The following CCDC57 variants were observed in gnomAD, a reference collection of about 807,000 sequenced individuals.
The protein encoded by CCDC57 is coiled-coil domain-containing protein 57.
CCDC57 carries 118 observed loss-of-function variants against 118.9 expected under a neutral mutation model. The observed-to-expected ratio is 0.99, with a 90% confidence interval of 0.86 to 1.16. The LOEUF (loss-of-function observed/expected upper bound fraction) is 1.16, where lower values mean the gene tolerates loss of function less well. Among genes scored for constraint, CCDC57 ranks in the 50% most tolerant of loss-of-function variants. The pLI is 0.00. For missense variants in CCDC57, 1,300 were observed against 1,320.7 expected (o/e 0.98, Z 0.24); for synonymous variants, 527 against 532.9 (o/e 0.99, Z 0.15).
At chr17:82,200,779 C>T (rs922565760) in intron 3 of CCDC57, among the ~76,000 whole-genome samples, 2 of 151,392 alleles carry the variant, frequency 1.3e-5, no homozygotes, top group Non-Finnish European at 2.9e-5. Context: ...GACAACACAG[C>T]TAAAAACTCT....
At chr17:82,186,635 C>T (rs1267475176) in intron 8 of CCDC57, among the ~76,000 whole-genome samples, 2 of 152,126 alleles carry the variant, frequency 1.3e-5, no homozygotes, top group Non-Finnish European at 2.9e-5. Context: ...CCCCCTTAAA[C>T]AGAAATACAA....
chr17:82,129,211 G>A lies in CCDC57; in HGVS notation c.2578-614C>T, dbSNP rs568818948. On this transcript the variant is annotated intron_variant, in intron 17 of 19. Transcript: ENST00000665763. ...TGGGATCACAGGTGTGAGCCACCAC[G>A]CCTGACCTGATCCTGCTTCTTGAAC... is the stretch of plus-strand genomic sequence containing the variant. Among the ~76,000 whole-genome samples the A allele has an allele frequency of 3.3e-5, 5 of 152,238 alleles. No homozygotes were observed. The East Asian group carries it at 9.7e-4, about 29-fold the overall frequency.
chr17:82,187,298 A>C (rs796288220), intron 8 of CCDC57, among the ~76,000 whole-genome samples: 8 of 149,942 alleles, frequency 5.3e-5, no homozygotes, highest in African/African-American at 1.7e-4. Flanking sequence ...AAGGAGGAAA[A>C]TGGTTACAAT....
At chr17:82,119,387 G>A (rs78587902) in intron 19 of CCDC57, among the ~76,000 whole-genome samples, 1,566 of 151,930 alleles carry the variant, frequency 0.01, 23 homozygotes, top group African/African-American at 0.036. Context: ...CTCCCTGTAC[G>A]TGGAGCAGAC....
At chr17:82,152,287 TCCA>T (rs924374268) in intron 15 of CCDC57, 17 of 158,520 alleles carry the variant, frequency 1.1e-4, no homozygotes, top group Non-Finnish European at 2.8e-5. Flanking sequence ...TTGGCCCTCC[TCCA>T]CTCCTTGGGG....
intron 15 of CCDC57, chr17:82,155,365 T>A (rs2042559192): frequency 6.6e-6 from 1 of 152,272 alleles, no homozygotes; most frequent in African/African-American, 2.4e-5. Context: ...TCCATTGCTA[T>A]CAGCCTGGAC....
rs113083963 is a variant in CCDC57, at chr17:82,212,417, A to T, written c.-211+368T>A. Reference sequence around the variant, plus strand: ...CCTCTCTTTTTTTTTTTTTTTTTTTAAACTCACAGACACTGTAAGGCTGCC... The same window carrying T: ...CCTCTCTTTTTTTTTTTTTTTTTTTTAACTCACAGACACTGTAAGGCTGCC... On this transcript the variant is annotated intron_variant, in intron 1 of 19. Transcript: ENST00000665763. The surrounding 1 kb of genome is among the most constrained non-coding windows in gnomAD (Gnocchi z 4.1). Among the ~76,000 whole-genome samples the T allele has an allele frequency of 5.5e-3, 316 of 57,642 alleles. 1 individual carries two copies. The highest frequency in any genetic ancestry group is 0.015 in the African/African-American group (235 of 15,286). 37.8% of individuals were successfully genotyped at this position (57,642 alleles called of 152,430 possible). A position where few individuals can be genotyped will look rare whatever the true frequency, so the allele number is the denominator to read the frequency against.
At chr17:82,137,517 T>G (rs1012098909) in intron 16 of CCDC57, among the ~76,000 whole-genome samples, 7 of 152,230 alleles carry the variant, frequency 4.6e-5, no homozygotes, top group African/African-American at 1.7e-4. Flanking sequence ...TCTATAACTG[T>G]TCTCTCCTAT....
At chr17:82,210,237 G>C (rs2050072971) in intron 1 of CCDC57, among the ~76,000 whole-genome samples, 2 of 151,462 alleles carry the variant, frequency 1.3e-5, no homozygotes, top group Admixed American at 6.6e-5. Flanking sequence ...CCTGGGAAGA[G>C]ATGGTTCTTT....
chr17:82,205,418 C>T (rs1037025395), intron 2 of CCDC57, among the ~76,000 whole-genome samples: 2 of 152,128 alleles, frequency 1.3e-5, no homozygotes, highest in African/African-American at 2.4e-5. Flanking sequence ...CAAATGTGCC[C>T]GCGACTCCTG....
chr17:82,126,018 C>T (rs2037379393), intron 19 of CCDC57, among the ~76,000 whole-genome samples: 1 of 152,174 alleles, frequency 6.6e-6, no homozygotes, highest in African/African-American at 2.4e-5. Flanking sequence ...CGGTGGCTCA[C>T]CCCTGTAATC....
chr17:82,108,753 G>A (rs2035040334), intron 19 of CCDC57: 1 of 152,254 alleles, frequency 6.6e-6, no homozygotes, highest in Non-Finnish European at 1.5e-5. Context: ...AGTTGGGACA[G>A]CTATAGTTTC....
At chr17:82,168,309 T>C (rs1027485905) in intron 13 of CCDC57, among the ~76,000 whole-genome samples, 3 of 152,194 alleles carry the variant, frequency 2.0e-5, no homozygotes, top group African/African-American at 4.8e-5. Context: ...AGTTTTTGTC[T>C]TTAGGCCGGG....
At chr17:82,119,751 A>AGGGAGGGAGAT (rs2036418951) in intron 19 of CCDC57, among the ~76,000 whole-genome samples, 2 of 151,918 alleles carry the variant, frequency 1.3e-5, no homozygotes, top group Admixed American at 1.3e-4. Context: ...TGGGGGAAGA[A>AGGGAGGGAGAT]GGGAGGGAGA....
intron 16 of CCDC57, among the ~76,000 whole-genome samples, chr17:82,149,934 C>G (rs1169834322): frequency 6.7e-6 from 1 of 150,110 alleles, no homozygotes; most frequent in Admixed American, 6.6e-5. Flanking sequence ...CACCCAGAAC[C>G]TGGCGCACAT....
At chr17:82,164,373 T>C (rs941297234) in intron 13 of CCDC57, among the ~76,000 whole-genome samples, 1 of 151,810 alleles carries the variant, frequency 6.6e-6, no homozygotes, top group African/African-American at 2.4e-5. Flanking sequence ...AGAGTGAGAC[T>C]CTGTCTCAAA....
At chr17:82,145,167 C>A (rs1449750082) in intron 16 of CCDC57, among the ~76,000 whole-genome samples, 1 of 150,946 alleles carries the variant, frequency 6.6e-6, no homozygotes, top group Non-Finnish European at 1.5e-5. Flanking sequence ...ATTACAGGCA[C>A]GTGCCCCAAC....
intron 2 of CCDC57, among the ~76,000 whole-genome samples, chr17:82,203,257 A>G (rs562695169): frequency 2.2e-4 from 33 of 152,242 alleles, no homozygotes; most frequent in Admixed American, 6.5e-4. Context: ...ACCTTCCGCC[A>G]TGAGTAAAAG....
chr17:82,145,014 CTTTTTTTTTTTCT>C (rs1404230635), intron 16 of CCDC57, among the ~76,000 whole-genome samples: 186 of 130,950 alleles, frequency 1.4e-3, no homozygotes, highest in Non-Finnish European at 2.4e-3. Flanking sequence ...TATTTCTTTT[CTTTTTTTTTTTCT>C]TTTTTTTTTT....
Sources: allele counts gnomAD v4.1 joint callset (sites outside exome capture counted in the v4.1 genomes callset), GRCh38; gene constraint gnomAD v4.1.1; non-coding constraint Gnocchi (gnomAD v3.1); transcripts MANE v1.5; gene names NCBI Gene and HGNC (gene_info 2026-07-23, HGNC 2026-07-21).